The following SYNPR variants were observed in gnomAD, a reference collection of about 807,000 sequenced individuals.
SYNPR encodes the protein synaptoporin.
A neutral mutation model predicts 32.9 loss-of-function variants in SYNPR; 23 were observed. The ratio of observed to expected loss-of-function variants is 0.70; its 90% CI spans 0.50 to 0.99. The LOEUF is 0.99. Ranked by LOEUF, SYNPR falls within the 50% of genes least tolerant of loss-of-function variation. The pLI is 0.00. For synonymous variants in SYNPR, 146 were observed against 135.9 expected (o/e 1.07, Z -0.52); for missense variants, 318 against 349.3 (o/e 0.91, Z 0.71).
chr3:63,462,394 T>A (rs1371172112), intron 2 of SYNPR, among the ~76,000 whole-genome samples: 1 of 152,160 alleles, frequency 6.6e-6, no homozygotes, highest in East Asian at 1.9e-4. Context: ...CTACTTTGTG[T>A]GCAGTCAATA....
intron 2 of SYNPR, among the ~76,000 whole-genome samples, chr3:63,450,660 C>A (rs1358949154): frequency 1.3e-5 from 2 of 152,152 alleles, no homozygotes; most frequent in Non-Finnish European, 2.9e-5. Flanking sequence ...TTCAGCCTCA[C>A]TAAAGGATGC....
intron 2 of SYNPR, among the ~76,000 whole-genome samples, chr3:63,255,091 T>A (rs2086370714): frequency 6.6e-6 from 1 of 152,202 alleles, no homozygotes; most frequent in African/African-American, 2.4e-5. Flanking sequence ...TGTTGGTTTT[T>A]ACCCACTGGG....
At chr3:63,393,355 G>C (rs1300235751) in intron 2 of SYNPR, among the ~76,000 whole-genome samples, 2 of 152,044 alleles carry the variant, frequency 1.3e-5, no homozygotes, top group African/African-American at 4.8e-5. Flanking sequence ...AGAGTACATA[G>C]GTCTCCAAAG....
chr3:63,475,719 C>T (rs1700887936), intron 2 of SYNPR, among the ~76,000 whole-genome samples: 1 of 152,100 alleles, frequency 6.6e-6, no homozygotes, highest in Non-Finnish European at 1.5e-5. Flanking sequence ...TACACCAACC[C>T]CCTCACACTG....
chr3:63,308,001 A>G (rs2086924067), intron 2 of SYNPR, among the ~76,000 whole-genome samples: 1 of 152,068 alleles, frequency 6.6e-6, no homozygotes, highest in South Asian at 2.1e-4. Flanking sequence ...AATTTGAAGG[A>G]CAAAGAGAAA....
intron 2 of SYNPR, among the ~76,000 whole-genome samples, chr3:63,477,678 A>G (rs1318587885): frequency 6.6e-6 from 1 of 152,158 alleles, no homozygotes; most frequent in African/African-American, 2.4e-5. Context: ...TAGGGTTAGC[A>G]GCTTAACTCT....
intron 2 of SYNPR, chr3:63,445,528 C>T (rs748574229): frequency 5.7e-6 from 4 of 699,656 alleles, no homozygotes; most frequent in Non-Finnish European, 1.0e-5. Context: ...ATAATCAGCT[C>T]CTCTCTTCTT....
At chr3:63,472,235 C>G (rs995453422) in intron 2 of SYNPR, among the ~76,000 whole-genome samples, 2 of 152,142 alleles carry the variant, frequency 1.3e-5, no homozygotes, top group African/African-American at 4.8e-5. Flanking sequence ...GAGAGAGACC[C>G]TTTTCACACT....
chr3:63,322,839 T>C (rs1168682992), intron 2 of SYNPR, among the ~76,000 whole-genome samples: 2 of 152,040 alleles, frequency 1.3e-5, no homozygotes, highest in African/African-American at 4.8e-5. Context: ...CACTCACTCA[T>C]TGAGAGTAAA....
At chr3:63,237,141 A>G (rs1308548462) in intron 1 of SYNPR, among the ~76,000 whole-genome samples, 6 of 152,016 alleles carry the variant, frequency 3.9e-5, no homozygotes, top group African/African-American at 1.4e-4. Context: ...TTCTATGTCA[A>G]TTCATACGAT....
chr3:63,300,640 CA>C (rs1247102631), intron 2 of SYNPR, among the ~76,000 whole-genome samples: 3 of 152,074 alleles, frequency 2.0e-5, no homozygotes, highest in Admixed American at 1.3e-4. Context: ...TATCCTGCCC[CA>C]GGGGTAGCCC....
chr3:63,482,240 G>A (rs1701063189), intron 3 of SYNPR, among the ~76,000 whole-genome samples: 1 of 152,104 alleles, frequency 6.6e-6, no homozygotes. Context: ...TCAAATGATT[G>A]GCCCAGTGAA....
rs1439054888 is a variant in SYNPR, at chr3:63,521,296, T to G, written c.210-35247T>G. Among the ~76,000 whole-genome samples the G allele has an allele frequency of 2.0e-5, 3 of 152,190 alleles. No homozygotes were observed. In the East Asian group the frequency reaches 5.8e-4, roughly 29 times the overall value. Reference sequence around the variant, plus strand: ...ATGGATTCTTGGTAAATATAATAAGTGACCTCAGCAAGTGATCAAAAAATT... The same window carrying G: ...ATGGATTCTTGGTAAATATAATAAGGGACCTCAGCAAGTGATCAAAAAATT... On this transcript the variant is annotated intron_variant, in intron 3 of 5. Transcript: ENST00000478300.
intron 2 of SYNPR, among the ~76,000 whole-genome samples, chr3:63,261,508 T>C (rs1271479531): frequency 7.2e-6 from 1 of 139,564 alleles, no homozygotes; most frequent in African/African-American, 2.7e-5. Flanking sequence ...TAGCTGGGAA[T>C]TGAACAATGA....
chr3:63,394,026 TA>T (rs949571726), intron 2 of SYNPR, among the ~76,000 whole-genome samples: 4 of 152,206 alleles, frequency 2.6e-5, no homozygotes, highest in Non-Finnish European at 1.5e-5. Context: ...ATTTCAAATC[TA>T]TTTTCCCTGT....
At chr3:63,432,470 G>A (rs1282111971) in intron 2 of SYNPR, among the ~76,000 whole-genome samples, 1 of 152,108 alleles carries the variant, frequency 6.6e-6, no homozygotes, top group Admixed American at 6.5e-5. Context: ...ATGTGCTTTT[G>A]AACTTTAATT....
chr3:63,476,151 G>GGAAGGAAGGAAAGA (rs1559510421), intron 2 of SYNPR, among the ~76,000 whole-genome samples: 35 of 29,584 alleles, frequency 1.2e-3, no homozygotes, highest in Non-Finnish European at 2.2e-3. Context: ...GGAAGGAAGG[G>GGAAGGAAGGAAAGA]AGGGAGGGAG....
chr3:63,318,945 G>T (rs2087076497), intron 2 of SYNPR, among the ~76,000 whole-genome samples: 4 of 152,036 alleles, frequency 2.6e-5, no homozygotes, highest in Non-Finnish European at 4.4e-5. Flanking sequence ...TTGTCCTACA[G>T]GGTGTTCCCT....
chr3:63,444,295 C>T (rs1055540793), intron 2 of SYNPR: 1 of 152,188 alleles, frequency 6.6e-6, no homozygotes, highest in Non-Finnish European at 1.5e-5. Context: ...TCTTTTTGTT[C>T]GAGAGTAAAA....
Sources: gnomAD v4.1 joint callset for allele counts (sites outside exome capture counted in the v4.1 genomes callset) on GRCh38, gnomAD v4.1.1 for gene constraint, MANE v1.5 for transcripts, NCBI Gene and HGNC (gene_info 2026-07-23, HGNC 2026-07-21) for gene names.